MME: variants seen among roughly 807,000 people sequenced by gnomAD.
The protein encoded by MME is neprilysin.
MME carries 98 observed loss-of-function variants against 113.2 expected under a neutral mutation model. The ratio of observed to expected loss-of-function variants is 0.87; its 90% CI spans 0.74 to 1.02. The LOEUF (loss-of-function observed/expected upper bound fraction) is 1.02. MME is among the 50% of genes least tolerant of loss of function. The pLI is 0.00. For synonymous variants in MME, 292 were observed against 300.6 expected (o/e 0.97, Z 0.30); for missense variants, 836 against 896.0 (o/e 0.93, Z 0.86).
chr3:155,043,324 T>TTTTC (rs1454553760), intron 1 of MME, among the ~76,000 whole-genome samples: 1 of 150,866 alleles, frequency 6.6e-6, no homozygotes, highest in East Asian at 1.9e-4. Context: ...ATGAACCTCT[T>TTTTC]TTTCTTTCTT....
At chr3:155,143,354 T>A in intron 12 of MME, 89 bp from the exon 13 acceptor site, 1 of 1,469,056 alleles carries the variant, frequency 6.8e-7, no homozygotes, top group Non-Finnish European at 9.5e-7. Flanking sequence ...TTTCAAGAAC[T>A]TAGATGAGAC....
chr3:155,031,805 C>T (rs1712982279), intron 1 of MME, among the ~76,000 whole-genome samples: 1 of 152,094 alleles, frequency 6.6e-6, no homozygotes, highest in South Asian at 2.1e-4. Context: ...TTACAGGTGC[C>T]CACCACCACA....
At chr3:155,121,347 T>C (rs1243677553) in intron 8 of MME, among the ~76,000 whole-genome samples, 1 of 150,910 alleles carries the variant, frequency 6.6e-6, no homozygotes, top group African/African-American at 2.4e-5. Flanking sequence ...AGATATACAA[T>C]CATGTCTTCT....
upstream of MME, among the ~76,000 whole-genome samples, chr3:155,078,236 A>T (rs1714834424): frequency 6.6e-6 from 1 of 152,090 alleles, no homozygotes; most frequent in African/African-American, 2.4e-5. Context: ...AAAAAATTCC[A>T]GTTGAGATGC....
At chr3:155,116,611 T>C in intron 5 of MME, 52 bp downstream of exon 5, 1 of 1,508,280 alleles carries the variant, frequency 6.6e-7, no homozygotes, top group Non-Finnish European at 9.2e-7. Context: ...TATATATTGG[T>C]GCCAAACTAT....
intron 8 of MME, among the ~76,000 whole-genome samples, chr3:155,128,632 A>T (rs1719887575): frequency 6.6e-6 from 1 of 151,984 alleles, no homozygotes; most frequent in Non-Finnish European, 1.5e-5. Flanking sequence ...CTTTCCTCTA[A>T]TATAGTTTTC....
intron 1 of MME, chr3:155,081,127 T>C (rs1431120855): frequency 6.6e-6 from 1 of 152,232 alleles, no homozygotes; most frequent in Admixed American, 6.5e-5. Context: ...ATATGGAAAC[T>C]GTTTCTCCTT....
intron 8 of MME, 22 bp downstream of exon 8, chr3:155,118,833 A>G: frequency 7.1e-7 from 1 of 1,417,544 alleles, no homozygotes; most frequent in Non-Finnish European, 9.9e-7. Context: ...AAAAATAATC[A>G]AAACCAAACT....
intron 3 of MME, among the ~76,000 whole-genome samples, chr3:155,109,087 T>C (rs1717946776): frequency 1.3e-5 from 2 of 152,172 alleles, no homozygotes; most frequent in Non-Finnish European, 2.9e-5. Flanking sequence ...TCATGAGATA[T>C]CAACAAAAAT....
At chr3:155,027,308 A>G (rs1712820057) in intron 1 of MME, among the ~76,000 whole-genome samples, 1 of 152,126 alleles carries the variant, frequency 6.6e-6, no homozygotes, top group Admixed American at 6.6e-5. Flanking sequence ...ACACAACCAT[A>G]AGGAAGAGCT....
At chr3:155,098,718 G>A (rs1716956822) in intron 3 of MME, among the ~76,000 whole-genome samples, 1 of 152,092 alleles carries the variant, frequency 6.6e-6, no homozygotes, top group Non-Finnish European at 1.5e-5. Flanking sequence ...GATTTCAGAG[G>A]TACAACTGTT....
chr3:155,175,630 G>T (rs1168718900), intron 22 of MME, among the ~76,000 whole-genome samples: 1 of 152,044 alleles, frequency 6.6e-6, no homozygotes, highest in Non-Finnish European at 1.5e-5. Context: ...TGATTTAGGT[G>T]CTTAGATTAC....
intron 9 of MME, among the ~76,000 whole-genome samples, chr3:155,139,919 C>T (rs1198753343): frequency 6.6e-6 from 1 of 152,052 alleles, no homozygotes; most frequent in African/African-American, 2.4e-5. Flanking sequence ...ATAAATATTG[C>T]TTATATGGCT....
intron 4 of MME, among the ~76,000 whole-genome samples, chr3:155,116,120 GTTA>G (rs1473537468): frequency 6.7e-6 from 1 of 149,736 alleles, no homozygotes; most frequent in African/African-American, 2.5e-5. Flanking sequence ...ATTCCTCTGT[GTTA>G]TTGTTTTTTT....
At chr3:155,145,453 A>G (rs192625735) in intron 14 of MME, among the ~76,000 whole-genome samples, 96 of 152,130 alleles carry the variant, frequency 6.3e-4, no homozygotes, top group African/African-American at 2.2e-3. Flanking sequence ...GTGGGAGTTA[A>G]TATTTATTTC....
chr3:155,057,802 A>G (rs567297740), intron 1 of MME, among the ~76,000 whole-genome samples: 2 of 151,750 alleles, frequency 1.3e-5, no homozygotes, highest in South Asian at 4.2e-4. Flanking sequence ...TCCTCTCCCC[A>G]TACTGCTTAC....
chr3:155,102,926 C>T (rs999099497), intron 3 of MME, among the ~76,000 whole-genome samples: 1 of 152,182 alleles, frequency 6.6e-6, no homozygotes, highest in African/African-American at 2.4e-5. Flanking sequence ...CTCTGCATGT[C>T]AGTCCTCTTT....
chr3:155,142,817 G>A (rs998674320), intron 12 of MME, among the ~76,000 whole-genome samples: 9 of 152,052 alleles, frequency 5.9e-5, no homozygotes, highest in Admixed American at 3.9e-4. Flanking sequence ...TTGGTACTAT[G>A]GTGAGGGGAG....
At chr3:155,114,088 A>C (rs61763241) in intron 3 of MME, among the ~76,000 whole-genome samples, 14 of 152,336 alleles carry the variant, frequency 9.2e-5, no homozygotes, top group Admixed American at 5.9e-4. Flanking sequence ...TCAAAAGCTC[A>C]TCTGAGAGCT....
Sources: allele counts gnomAD v4.1 joint callset (sites outside exome capture counted in the v4.1 genomes callset), GRCh38; gene constraint gnomAD v4.1.1; transcripts MANE v1.5; gene names NCBI Gene and HGNC (gene_info 2026-07-23, HGNC 2026-07-21).